SYNPO2: variants seen among roughly 807,000 people sequenced by gnomAD.
SYNPO2 encodes the protein synaptopodin 2, also known as synaptopodin-2.
Under a neutral mutation model 85.0 loss-of-function variants are expected in SYNPO2, and 56 were observed. That is an observed-to-expected ratio of 0.66 (90% confidence interval 0.53 to 0.82). The LOEUF (loss-of-function observed/expected upper bound fraction) is 0.82, where lower values mean the gene tolerates loss of function less well. Ranked by LOEUF, SYNPO2 falls within the 40% of genes least tolerant of loss-of-function variation. The pLI is 0.00. For missense variants in SYNPO2, 1,575 were observed against 1,534.2 expected, an observed-to-expected ratio of 1.03 and a Z score of -0.44; for synonymous variants, 602 against 591.1, an observed-to-expected ratio of 1.02 and a Z score of -0.27.
In SYNPO2 at chr4:118,894,541, T is replaced by C. The variant is rs575008272; in HGVS notation, c.105+5400T>C. Reference sequence around the variant, plus strand: ...TCATAAGTGGGAGTGGGTGGACGTGTTGGGGGAACGTCGGGGGAACGTCGG... The same window carrying C: ...TCATAAGTGGGAGTGGGTGGACGTGCTGGGGGAACGTCGGGGGAACGTCGG... On this transcript the variant is annotated intron_variant, in intron 1 of 4. Coordinates refer to ENST00000307142, the MANE Select transcript of SYNPO2 (RefSeq NM_133477.3). Among the ~76,000 whole-genome samples, 123 of 149,938 alleles carry C rather than the reference T, an allele frequency of 8.2e-4. 2 individuals carry two copies. In the South Asian group the frequency reaches 0.025, roughly 31 times the overall value.
chr4:118,856,380 A>AG (rs911864225), intron 1 of SYNPO2, among the ~76,000 whole-genome samples: 1 of 152,178 alleles, frequency 6.6e-6, no homozygotes, highest in Non-Finnish European at 1.5e-5. Flanking sequence ...CAGATTTATT[A>AG]GGGGGGATTA....
At position 119,030,714 on chromosome 4, in the gene SYNPO2, C is replaced by T. The variant is rs766250262; in HGVS notation, c.1939C>T (p.Pro647Ser). 1 of 1,614,192 alleles carries T rather than the reference C, an allele frequency of 6.2e-7. No individual in the cohort carries two copies. Among genetic ancestry groups the T allele is most frequent in the African/African-American group, 1.3e-5 (1 of 75,038 alleles). ...SSPIAGPAQPPPWPQPAPWSQ... is the reference protein window; with the variant it reads ...SSPIAGPAQPSPWPQPAPWSQ... ...TCCGATTGCTGGCCCAGCACAGCCC[C>T]CTCCATGGCCCCAGCCTGCCCCGTG... The change falls in exon 4 of 5, where the codon CCT (proline) becomes TCT (serine). Residue 647 changes from proline to serine, a missense_variant. Transcript: ENST00000307142.
At chr4:118,953,214 C>T (rs1412132486) in intron 1 of SYNPO2, among the ~76,000 whole-genome samples, 12 of 152,120 alleles carry the variant, frequency 7.9e-5, no homozygotes, top group South Asian at 2.1e-4. Flanking sequence ...TTTATCCAAA[C>T]GATGTTGAGA....
At chr4:118,857,999 C>T (rs1322940775) in intron 1 of SYNPO2, among the ~76,000 whole-genome samples, 1 of 152,182 alleles carries the variant, frequency 6.6e-6, no homozygotes, top group Admixed American at 6.5e-5. Flanking sequence ...TATTGAAAAA[C>T]ACAGGGCTTT....
chr4:118,863,084 T>TA (rs1731638955), intron 1 of SYNPO2, among the ~76,000 whole-genome samples: 1 of 152,184 alleles, frequency 6.6e-6, no homozygotes, highest in South Asian at 2.1e-4. Context: ...GCTGGGATTA[T>TA]AGGCGTGAGC....
At chr4:119,032,393 A>G in intron 4 of SYNPO2, 1 of 1,171,600 alleles carries the variant, frequency 8.5e-7, no homozygotes, top group Non-Finnish European at 1.1e-6. Flanking sequence ...ATCAGCCTTT[A>G]TGTAACATAA....
chr4:119,041,823 C>T (rs774418892), intron 4 of SYNPO2, among the ~76,000 whole-genome samples: 1 of 152,100 alleles, frequency 6.6e-6, no homozygotes, highest in African/African-American at 2.4e-5. Flanking sequence ...TAAGATTTCC[C>T]CACCTTAGAG....
chr4:119,052,143 A>G (rs1006499796), intron 4 of SYNPO2, among the ~76,000 whole-genome samples: 1 of 152,184 alleles, frequency 6.6e-6, no homozygotes, highest in African/African-American at 2.4e-5. Flanking sequence ...GGAAAGGGAC[A>G]GGCTGACAAA....
chr4:118,879,675 G>A (rs935741626), intron 1 of SYNPO2, among the ~76,000 whole-genome samples: 1 of 152,160 alleles, frequency 6.6e-6, no homozygotes, highest in Non-Finnish European at 1.5e-5. Flanking sequence ...AGTCCAAAGA[G>A]ACTAAAACAC....
chr4:119,023,441 G>C lies in SYNPO2; in HGVS notation c.117G>C (p.Gln39His). The change falls in exon 2 of 5, where the codon CAG becomes CAC. Residue 39 changes from glutamine to histidine, a missense_variant. Physicochemically the swap from Gln to His is conservative, Grantham distance 24. Around this residue, in one of 3 missense-constraint regions of SYNPO2, gnomAD observed 55 missense variants for 55.5 expected, o/e 0.99. Coordinates refer to ENST00000307142, the MANE Select transcript of SYNPO2 (RefSeq NM_133477.3). ...TTTACTCCACTCAGATTCGAAATCA[G>C]AGCAAAGCCTCTGGGTCTGGGCTCT... ...QPLQVAKIRNQSKASGSGLCE... is the reference protein window; with the variant it reads ...QPLQVAKIRNHSKASGSGLCE... The C allele has an allele frequency of 6.2e-7, 1 of 1,610,914 alleles. No homozygotes were observed. Among genetic ancestry groups the C allele is most frequent in the South Asian group, 1.1e-5 (1 of 90,352 alleles).
chr4:118,948,636 G>A (rs1208502238), intron 1 of SYNPO2, among the ~76,000 whole-genome samples: 1 of 152,134 alleles, frequency 6.6e-6, no homozygotes, highest in Non-Finnish European at 1.5e-5. Flanking sequence ...AGGGGAAGGG[G>A]AGCAGGCATC....
chr4:118,995,980 A>C (rs959366042), intron 1 of SYNPO2, among the ~76,000 whole-genome samples: 1 of 152,068 alleles, frequency 6.6e-6, no homozygotes, highest in Non-Finnish European at 1.5e-5. Flanking sequence ...AAGATGTCTT[A>C]CTAAACACAA....
chr4:118,948,733 C>T (rs1485255414), intron 1 of SYNPO2, among the ~76,000 whole-genome samples: 2 of 152,178 alleles, frequency 1.3e-5, no homozygotes, highest in African/African-American at 4.8e-5. Flanking sequence ...CAAGAACTGA[C>T]TCATGACTGT....
In SYNPO2 at chr4:119,033,250, T is replaced by C. The variant is rs1033781098; in HGVS notation, c.3252+1223T>C. ...TCTGAGTGATCTCACAGATTTTTTT[T>C]CTTGTGTTTGCTTTGCTTTTTGACA... On this transcript the variant is annotated intron_variant, in intron 4 of 4. Coordinates refer to ENST00000307142, the MANE Select transcript of SYNPO2 (RefSeq NM_133477.3). 3.0e-6 allele frequency: 3 copies of C among 985,296 alleles called. No individual in the cohort carries two copies. In the African/African-American group the frequency reaches 5.2e-5, roughly 17 times the overall value. The allele number at this position is 985,296 out of a possible 1,614,324, so 61.0% of individuals were successfully genotyped here.
chr4:119,056,760 A>G (rs1362999970), intron 4 of SYNPO2, among the ~76,000 whole-genome samples: 1 of 152,186 alleles, frequency 6.6e-6, no homozygotes, highest in Non-Finnish European at 1.5e-5. Flanking sequence ...ATAAAAATCC[A>G]TGTGATCGTC....
intron 1 of SYNPO2, among the ~76,000 whole-genome samples, chr4:118,879,230 T>G (rs1296562435): frequency 6.6e-6 from 1 of 152,180 alleles, no homozygotes; most frequent in African/African-American, 2.4e-5. Flanking sequence ...GTGGCTTCAT[T>G]GTTGAAGTCA....
At chr4:118,927,719 G>A (rs1047082482) in intron 1 of SYNPO2, among the ~76,000 whole-genome samples, 1 of 150,122 alleles carries the variant, frequency 6.7e-6, no homozygotes, top group African/African-American at 2.5e-5. Context: ...TAGATAGATA[G>A]ATAGATAGAT....
chr4:118,925,356 T>C (rs913935438), intron 1 of SYNPO2, among the ~76,000 whole-genome samples: 1 of 152,156 alleles, frequency 6.6e-6, no homozygotes, highest in African/African-American at 2.4e-5. Context: ...ACCAGATGAC[T>C]GTTGGCCTCA....
chr4:118,952,637 AC>A (rs1301240590), intron 1 of SYNPO2, among the ~76,000 whole-genome samples: 2 of 152,166 alleles, frequency 1.3e-5, no homozygotes, highest in African/African-American at 4.8e-5. Flanking sequence ...CAAACTGCAA[AC>A]ATGAATATTA....
Sources: gnomAD v4.1 joint callset for allele counts (sites outside exome capture counted in the v4.1 genomes callset) on GRCh38, gnomAD v4.1.1 for gene constraint, gnomAD v4.1.1 regional missense constraint, MANE v1.5 for transcripts, NCBI Gene and HGNC (gene_info 2026-07-23, HGNC 2026-07-21) for gene names.